The following SGCD variants were observed in gnomAD, a reference collection of about 807,000 sequenced individuals.
SGCD encodes sarcoglycan delta, also known as delta-sarcoglycan.
Under a neutral mutation model 36.6 loss-of-function variants are expected in SGCD, and 18 were observed. The observed-to-expected ratio is 0.49, with a 90% CI of 0.34 to 0.73. The LOEUF is 0.73. Among genes scored for constraint, SGCD ranks in the 30% least tolerant of loss-of-function variants. The pLI, the probability that SGCD is intolerant of heterozygous loss-of-function variation, is 0.01. For synonymous variants in SGCD, 133 were observed against 130.6 expected (o/e 1.02, Z -0.12); for missense variants, 387 against 346.7 (o/e 1.12, Z -0.92).
intron 3 of SGCD, among the ~76,000 whole-genome samples, chr5:156,484,660 C>T (rs11957131): frequency 2.6e-3 from 400 of 152,200 alleles, no homozygotes; most frequent in African/African-American, 8.9e-3. Flanking sequence ...TACCTGGTCT[C>T]ATTCTCACAT....
At chr5:156,527,904 C>T (rs61590496) in intron 4 of SGCD, among the ~76,000 whole-genome samples, 35,466 of 152,100 alleles carry the variant, frequency 0.23, 4,746 homozygotes, top group Non-Finnish European at 0.31. Flanking sequence ...TCATTTTTTC[C>T]AGGTCTCTGT....
rs528714576 is a variant in SGCD at position 156,333,731 on chromosome 5, C to A, written c.3+4152C>A. 7.2e-5 allele frequency among the ~76,000 whole-genome samples: 10 copies of A among 138,680 alleles called. No individual in the cohort carries two copies. In the South Asian group the frequency reaches 2.4e-3, roughly 33 times the overall value. The allele number at this position is 138,680 out of a possible 152,430, so 91.0% of individuals were successfully genotyped here. A position where few individuals can be genotyped will look rare whatever the true frequency, so the allele number is the denominator to read the frequency against. On this transcript the variant is annotated intron_variant, in intron 2 of 8. Transcript: ENST00000337851. ...TAGAACAATGGCTAGTACATAGTAC[C>A]ATTATACAAGTGTTTGTCATTTATG...
chr5:156,187,756 T>G (rs981702957), intron 3 of SGCD, among the ~76,000 whole-genome samples: 2 of 152,086 alleles, frequency 1.3e-5, no homozygotes, highest in African/African-American at 4.8e-5. Flanking sequence ...AGACCTTGAA[T>G]GAGATGAGGA....
intron 1 of SGCD, among the ~76,000 whole-genome samples, chr5:156,028,268 A>G (rs1331816958): frequency 1.3e-5 from 2 of 152,162 alleles, no homozygotes; most frequent in South Asian, 2.1e-4. Flanking sequence ...GCCCTTGAAC[A>G]TGACTCTATG....
At chr5:156,023,385 G>A (rs1759152991) in intron 1 of SGCD, among the ~76,000 whole-genome samples, 1 of 152,208 alleles carries the variant, frequency 6.6e-6, no homozygotes, top group Admixed American at 6.5e-5. Context: ...GTCAAGTATT[G>A]GAGTGAGAAT....
chr5:156,529,898 T>C (rs2113092798), intron 4 of SGCD, among the ~76,000 whole-genome samples: 1 of 152,340 alleles, frequency 6.6e-6, no homozygotes, highest in East Asian at 1.9e-4. Flanking sequence ...ATTGTTTTTA[T>C]TAGCAATGAT....
At chr5:156,544,501 A>G (rs75617890) in intron 4 of SGCD, among the ~76,000 whole-genome samples, 3,680 of 152,256 alleles carry the variant, frequency 0.024, 42 homozygotes, top group Non-Finnish European at 0.031. Flanking sequence ...AAATAAATAC[A>G]GTGTTAATGT....
At chr5:156,092,193 C>T (rs775758360) in intron 1 of SGCD, among the ~76,000 whole-genome samples, 1 of 152,208 alleles carries the variant, frequency 6.6e-6, no homozygotes, top group Non-Finnish European at 1.5e-5. Flanking sequence ...TCAAATCTAG[C>T]AGAAGCCAGC....
chr5:155,921,296 G>A (rs987390653), intron 1 of SGCD, among the ~76,000 whole-genome samples: 7 of 152,158 alleles, frequency 4.6e-5, no homozygotes, highest in Non-Finnish European at 8.8e-5. Flanking sequence ...GGCAGAACCA[G>A]ATTTTGTTAG....
At chr5:156,101,902 CTG>C (rs36187985) in intron 1 of SGCD, among the ~76,000 whole-genome samples, 1,842 of 108,002 alleles carry the variant, frequency 0.017, 21 homozygotes, top group East Asian at 0.048. Flanking sequence ...GTGTCTCCAG[CTG>C]TGTGTGTGTG....
chr5:156,646,449 A>G (rs1019148765), intron 6 of SGCD, among the ~76,000 whole-genome samples: 1 of 152,202 alleles, frequency 6.6e-6, no homozygotes, highest in Non-Finnish European at 1.5e-5. Flanking sequence ...TATATCCCAT[A>G]TAAGACCTTG....
intron 7 of SGCD, among the ~76,000 whole-genome samples, chr5:156,718,182 T>C (rs894891416): frequency 2.6e-5 from 4 of 152,134 alleles, no homozygotes; most frequent in African/African-American, 9.7e-5. Context: ...CTAAATTCCA[T>C]GCCATGTTCT....
intron 1 of SGCD, among the ~76,000 whole-genome samples, chr5:156,059,102 T>C (rs114926289): frequency 0.071 from 10,309 of 145,772 alleles, 1,617 homozygotes; most frequent in African/African-American, 0.23. Flanking sequence ...TATATCATTT[T>C]TTAAATAAAA....
chr5:156,054,356 G>C (rs1760005035), intron 1 of SGCD, among the ~76,000 whole-genome samples: 1 of 139,338 alleles, frequency 7.2e-6, no homozygotes, highest in Non-Finnish European at 1.6e-5. Flanking sequence ...CGCGATCTCG[G>C]CTCACGGCAA....
At chr5:156,236,481 G>A (rs1221572042) in intron 3 of SGCD, among the ~76,000 whole-genome samples, 5 of 146,184 alleles carry the variant, frequency 3.4e-5, no homozygotes, top group African/African-American at 7.6e-5. Context: ...ACGGAGTCTC[G>A]CTCTGTCACC....
chr5:156,444,090 CTCTCTCTCTCTCTCTCTCTCTCT>C (rs1561699213), intron 3 of SGCD, among the ~76,000 whole-genome samples: 71 of 116,434 alleles, frequency 6.1e-4, no homozygotes, highest in Middle Eastern at 3.9e-3. Context: ...CTCTCTCTCT[CTCTCTCTCTCTCTCTCTCTCTCT>C]CTCCCCTTCC....
At chr5:155,946,104 T>C (rs1197624769) in intron 1 of SGCD, among the ~76,000 whole-genome samples, 1 of 152,088 alleles carries the variant, frequency 6.6e-6, no homozygotes, top group Non-Finnish European at 1.5e-5. Flanking sequence ...TTCCACTGGG[T>C]GGCTGGTGGT....
intron 3 of SGCD, among the ~76,000 whole-genome samples, chr5:156,423,075 A>G (rs981560950): frequency 1.4e-5 from 2 of 144,706 alleles, no homozygotes; most frequent in Non-Finnish European, 3.0e-5. Context: ...AAAGGCATAT[A>G]AGCTCCATTT....
At chr5:156,456,784 CA>C (rs1754282775) in intron 3 of SGCD, among the ~76,000 whole-genome samples, 2 of 152,116 alleles carry the variant, frequency 1.3e-5, no homozygotes. Context: ...TTTAAGGCCA[CA>C]AGTTGTAGGT....
Sources: gnomAD v4.1 joint callset for allele counts (sites outside exome capture counted in the v4.1 genomes callset) on GRCh38, gnomAD v4.1.1 for gene constraint, MANE v1.5 for transcripts, NCBI Gene and HGNC (gene_info 2026-07-23, HGNC 2026-07-21) for gene names.